CSMD1: variants seen among roughly 807,000 people sequenced by gnomAD.
CSMD1 encodes CUB and sushi domain-containing protein 1.
Under a neutral mutation model 417.5 loss-of-function variants are expected in CSMD1, and 213 were observed. The observed-to-expected ratio is 0.51, with a 90% confidence interval of 0.46 to 0.57. The LOEUF is 0.57. Ranked by LOEUF, CSMD1 falls within the 20% of genes least tolerant of loss-of-function variation. The pLI is 0.00. For missense variants in CSMD1, 6,923 were observed against 4,529.7 expected (o/e 1.53, Z -15.17); for synonymous variants, 2,862 against 1,736.8 (o/e 1.65, Z -16.11).
intron 1 of CSMD1, among the ~76,000 whole-genome samples, chr8:4,802,154 C>A (rs1798323708): frequency 6.6e-6 from 1 of 152,192 alleles, no homozygotes; most frequent in Non-Finnish European, 1.5e-5. Flanking sequence ...AGAGCAATTG[C>A]ACAAAGGAAC....
chr8:3,456,619 T>C (rs971471867), intron 12 of CSMD1, among the ~76,000 whole-genome samples: 2 of 152,184 alleles, frequency 1.3e-5, no homozygotes, highest in Non-Finnish European at 1.5e-5. Context: ...CTATTTAGCA[T>C]TGAAATAGTC....
In CSMD1 at chr8:3,155,359, A is replaced by ATTTTTTT. The variant is rs556304192; in HGVS notation, c.5914+2531_5914+2537dup. Among the ~76,000 whole-genome samples the ATTTTTTT allele has an allele frequency of 7.9e-3, 341 of 43,284 alleles. 80 individuals are homozygous for ATTTTTTT. Among genetic ancestry groups the ATTTTTTT allele is most frequent in the South Asian group, 0.017 (17 of 1,018 alleles). The allele number at this position is 43,284 out of a possible 152,430, so 28.4% of individuals were successfully genotyped here. ...TTTTTCCTTCCAAATCAAGGCTGGG[A>ATTTTTTT]TTTTTTTTTTTTTTTTTTTTTTTTT... On this transcript the variant is annotated intron_variant, in intron 39 of 69. Coordinates refer to ENST00000635120, the MANE Select transcript of CSMD1 (RefSeq NM_033225.6).
At chr8:3,751,316 G>GTC (rs1177380383) in intron 6 of CSMD1, among the ~76,000 whole-genome samples, 1 of 146,184 alleles carries the variant, frequency 6.8e-6, no homozygotes, top group African/African-American at 2.5e-5. Flanking sequence ...GTGTGTGTGT[G>GTC]TGTGTGTGTG....
At chr8:4,771,297 C>G (rs909687197) in intron 1 of CSMD1, among the ~76,000 whole-genome samples, 1 of 152,178 alleles carries the variant, frequency 6.6e-6, no homozygotes, top group Non-Finnish European at 1.5e-5. Flanking sequence ...TCTACCATAT[C>G]TAATTGTATT....
At chr8:3,642,195 G>C (rs1348132424) in intron 7 of CSMD1, among the ~76,000 whole-genome samples, 8 of 151,256 alleles carry the variant, frequency 5.3e-5, no homozygotes, top group Non-Finnish European at 1.2e-4. Flanking sequence ...ATAATATATA[G>C]AAGATGATGT....
chr8:3,293,629 G>C (rs938755563), intron 25 of CSMD1, among the ~76,000 whole-genome samples: 2 of 152,096 alleles, frequency 1.3e-5, no homozygotes, highest in African/African-American at 2.4e-5. Flanking sequence ...TGGCTACTGA[G>C]GCTTGTGCAT....
At chr8:3,558,480 C>T (rs1799292142) in intron 10 of CSMD1, among the ~76,000 whole-genome samples, 2 of 151,044 alleles carry the variant, frequency 1.3e-5, no homozygotes, top group Admixed American at 1.3e-4. Flanking sequence ...CCCATGTCCA[C>T]TCCTCCAATG....
rs79885446 is a variant in CSMD1 at position 4,661,485 on chromosome 8, G to A, written c.86-23927C>T. 5.9e-5 allele frequency among the ~76,000 whole-genome samples: 9 copies of A among 152,216 alleles called. No homozygotes were observed. The Middle Eastern group carries it at 0.01, about 173-fold the overall frequency. On this transcript the variant is annotated intron_variant, in intron 1 of 69. Coordinates refer to ENST00000635120, the MANE Select transcript of CSMD1 (RefSeq NM_033225.6). Reference sequence around the variant, plus strand: ...GATTATTCATTGCTATGGGTTAGGCGGTGGGGTCAGGAGGAACGTGAATGT... The same window carrying A: ...GATTATTCATTGCTATGGGTTAGGCAGTGGGGTCAGGAGGAACGTGAATGT...
At chr8:3,894,901 G>T (rs1382419481) in intron 5 of CSMD1, among the ~76,000 whole-genome samples, 1 of 152,108 alleles carries the variant, frequency 6.6e-6, no homozygotes, top group African/African-American at 2.4e-5. Context: ...AAATTACAGT[G>T]GGTTCCTAGT....
intron 52 of CSMD1, among the ~76,000 whole-genome samples, chr8:3,003,307 A>T (rs1278754010): frequency 1.3e-5 from 2 of 152,156 alleles, no homozygotes. Context: ...GTATTATTCT[A>T]TATGCTTTGT....
chr8:4,004,382 G>T (rs1380140437), intron 4 of CSMD1, among the ~76,000 whole-genome samples: 1 of 150,208 alleles, frequency 6.7e-6, no homozygotes, highest in Non-Finnish European at 1.5e-5. Flanking sequence ...TATTAGAGAT[G>T]CTGTTGTTTT....
At chr8:3,726,183 C>T (rs969981018) in intron 6 of CSMD1, among the ~76,000 whole-genome samples, 8 of 152,142 alleles carry the variant, frequency 5.3e-5, no homozygotes, top group African/African-American at 1.4e-4. Context: ...CGAATCAGCT[C>T]TTGGAACTCA....
chr8:3,780,686 G>A (rs148766487), intron 5 of CSMD1, among the ~76,000 whole-genome samples: 25 of 152,282 alleles, frequency 1.6e-4, no homozygotes, highest in South Asian at 2.1e-4. Context: ...TTCAGTTGTC[G>A]GCAGAAAGAG....
chr8:3,895,222 A>G (rs1807277877), intron 5 of CSMD1, among the ~76,000 whole-genome samples: 1 of 152,238 alleles, frequency 6.6e-6, no homozygotes, highest in South Asian at 2.1e-4. Context: ...TAAAATAATT[A>G]GTGTTTAAAA....
At chr8:3,921,114 G>A (rs62480124) in intron 5 of CSMD1, among the ~76,000 whole-genome samples, 1 of 149,458 alleles carries the variant, frequency 6.7e-6, no homozygotes, top group Non-Finnish European at 1.5e-5. Flanking sequence ...TTCTTTGAAA[G>A]AAGGTTGAAC....
chr8:3,945,178 C>CAAAAA (rs138900503), intron 5 of CSMD1, among the ~76,000 whole-genome samples: 37 of 118,934 alleles, frequency 3.1e-4, no homozygotes, highest in Non-Finnish European at 5.4e-4. Flanking sequence ...ATGAGAAAGA[C>CAAAAA]AAAAAAAAAA....
In CSMD1 at chr8:3,125,002, A is replaced by T. The variant is rs139253743; in HGVS notation, c.6242-6415T>A. 7.5e-4 allele frequency among the ~76,000 whole-genome samples: 114 copies of T among 152,338 alleles called. 1 individual carries two copies. The highest frequency in any genetic ancestry group is 2.5e-3 in the African/African-American group (103 of 41,576). On this transcript the variant is annotated intron_variant, in intron 41 of 69. Coordinates refer to ENST00000635120, the MANE Select transcript of CSMD1 (RefSeq NM_033225.6). ...AAATGTCTTGTTAAACTGAGTACTT[A>T]ACTACTTAAATATTAATACCGATAT...
chr8:4,068,851 G>T (rs1466065533), intron 3 of CSMD1, among the ~76,000 whole-genome samples: 1 of 152,082 alleles, frequency 6.6e-6, no homozygotes, highest in African/African-American at 2.4e-5. Flanking sequence ...TCAAAATGCA[G>T]CTCCACCATC....
At chr8:3,368,008 C>A (rs78348369) in intron 19 of CSMD1, among the ~76,000 whole-genome samples, 2 of 152,066 alleles carry the variant, frequency 1.3e-5, no homozygotes, top group African/African-American at 2.4e-5. Flanking sequence ...TTTTAGATGC[C>A]CGTAAAGCAT....
Sources: gnomAD v4.1 joint callset for allele counts (sites outside exome capture counted in the v4.1 genomes callset) on GRCh38, gnomAD v4.1.1 for gene constraint, MANE v1.5 for transcripts, NCBI Gene and HGNC (gene_info 2026-07-23, HGNC 2026-07-21) for gene names.